The following FMN2 variants were observed in gnomAD, a reference collection of about 807,000 sequenced individuals.
The protein encoded by FMN2 is formin 2, also known as formin-2.
A neutral mutation model predicts 142.3 loss-of-function variants in FMN2; 51 were observed. The observed-to-expected ratio is 0.36, with a 90% CI of 0.29 to 0.45. The LOEUF (loss-of-function observed/expected upper bound fraction) is 0.45, where lower values mean the gene tolerates loss of function less well. Ranked by LOEUF, FMN2 falls within the 20% of genes least tolerant of loss-of-function variation. The pLI is 1.00. For missense variants in FMN2, 1,936 were observed against 2,122.8 expected (o/e 0.91, Z 1.73); for synonymous variants, 882 against 869.8 (o/e 1.01, Z -0.25).
At position 240,155,859 on chromosome 1, in the gene FMN2, AC is replaced by A. The variant is rs566055110; in HGVS notation, c.1783-22061del. Among the ~76,000 whole-genome samples the A allele has an allele frequency of 2.7e-3, 412 of 151,260 alleles. 2 individuals carry two copies. Among genetic ancestry groups the A allele is most frequent in the Middle Eastern group, 0.01 (3 of 292 alleles). On this transcript the variant is annotated intron_variant, in intron 2 of 17. Transcript: ENST00000319653. ...CTTTAGCTATATCATTAAAAAAAAA[AC>A]TGACCATCTGGACTGGCACTTCAAA...
intron 13 of FMN2, among the ~76,000 whole-genome samples, chr1:240,354,548 C>A (rs955712474): frequency 6.6e-6 from 1 of 152,152 alleles, no homozygotes; most frequent in East Asian, 1.9e-4. Flanking sequence ...CTGCAAGAGG[C>A]TACCTGGGCA....
chr1:240,328,603 ATTTG>A (rs5782137), intron 8 of FMN2, among the ~76,000 whole-genome samples: 15,796 of 80,062 alleles, frequency 0.2, 949 homozygotes, highest in South Asian at 0.26. Context: ...TTATTTATTT[ATTTG>A]AGACAAGAGT....
chr1:240,185,027 T>C (rs867437412), intron 3 of FMN2, among the ~76,000 whole-genome samples: 100 of 144,836 alleles, frequency 6.9e-4, no homozygotes, highest in African/African-American at 2.6e-3. Flanking sequence ...CTCCCTCCTA[T>C]ACCTTCCCCC....
chr1:240,330,860 T>G, intron 11 of FMN2, 111 bp downstream of exon 11: 1 of 1,288,490 alleles, frequency 7.8e-7, no homozygotes, highest in Non-Finnish European at 1.0e-6. Flanking sequence ...CTAGGTCAAA[T>G]GCTTCTTTAT....
At position 240,294,067 on chromosome 1, in the gene FMN2, A is replaced by C. The variant is rs182592939; in HGVS notation, c.4154-755A>C. 2.6e-3 allele frequency among the ~76,000 whole-genome samples: 391 copies of C among 152,272 alleles called. 1 individual carries two copies. The highest frequency in any genetic ancestry group is 4.8e-3 in the Non-Finnish European group (325 of 68,020). On this transcript the variant is annotated intron_variant, in intron 7 of 17. Transcript: ENST00000319653. Reference sequence around the variant, plus strand: ...ACTTGGCACAAATTCTATCAAGGCAAATTCACCTTGTTTCTACCAAATATC... The same window carrying C: ...ACTTGGCACAAATTCTATCAAGGCACATTCACCTTGTTTCTACCAAATATC...
At chr1:240,318,658 G>A (rs1670870178) in intron 8 of FMN2, among the ~76,000 whole-genome samples, 2 of 152,114 alleles carry the variant, frequency 1.3e-5, no homozygotes, top group South Asian at 2.1e-4. Flanking sequence ...TTTTGAATAG[G>A]ATATACATGC....
intron 14 of FMN2, among the ~76,000 whole-genome samples, chr1:240,380,205 A>G (rs1390751023): frequency 6.6e-6 from 1 of 152,154 alleles, no homozygotes; most frequent in Non-Finnish European, 1.5e-5. Flanking sequence ...TCCATGAAAC[A>G]TTTTCCAAAA....
At chr1:240,147,904 A>AT (rs1347709861) in intron 2 of FMN2, among the ~76,000 whole-genome samples, 2 of 152,292 alleles carry the variant, frequency 1.3e-5, no homozygotes, top group East Asian at 3.9e-4. Context: ...GGGAATATGA[A>AT]TTTTTGATAA....
At chr1:240,237,857 T>C (rs1003600803) in intron 6 of FMN2, among the ~76,000 whole-genome samples, 21 of 152,222 alleles carry the variant, frequency 1.4e-4, no homozygotes, top group Admixed American at 2.0e-4. Context: ...GCCTACTTGC[T>C]GCCTTAAATT....
chr1:240,361,181 ATAT>A (rs1672468105), intron 14 of FMN2, among the ~76,000 whole-genome samples: 4 of 107,226 alleles, frequency 3.7e-5, no homozygotes, highest in East Asian at 2.3e-4. Context: ...ATATATATAT[ATAT>A]AAAAGAGTTT....
At chr1:240,108,005 C>T (rs1661678011) in intron 1 of FMN2, among the ~76,000 whole-genome samples, 2 of 152,280 alleles carry the variant, frequency 1.3e-5, no homozygotes, top group African/African-American at 2.4e-5. Flanking sequence ...ATTATGAAGA[C>T]ACATTGTAGG....
intron 6 of FMN2, among the ~76,000 whole-genome samples, chr1:240,246,072 CGG>C (rs1668073512): frequency 1.3e-5 from 2 of 152,170 alleles, no homozygotes; most frequent in South Asian, 4.1e-4. Context: ...CCCAGCTACT[CGG>C]GAGACTGAGG....
At position 240,356,909 on chromosome 1, in the gene FMN2, CAG is replaced by C. The variant is rs137954292; in HGVS notation, c.4858+1003_4858+1004del. ...TTTAAGATAATTGTGAAGATTGAAA[CAG>C]AACTCTGGTGAAATTCATAAATCAC... On this transcript the variant is annotated intron_variant, in intron 14 of 17. Transcript: ENST00000319653. 9.1e-3 allele frequency among the ~76,000 whole-genome samples: 1,380 copies of C among 152,256 alleles called. 25 individuals are homozygous for C. The highest frequency in any genetic ancestry group is 0.031 in the African/African-American group (1,278 of 41,548).
intron 7 of FMN2, among the ~76,000 whole-genome samples, chr1:240,290,461 C>A (rs1403236626): frequency 6.6e-6 from 1 of 152,150 alleles, no homozygotes; most frequent in Non-Finnish European, 1.5e-5. Flanking sequence ...TAGTTTTAAT[C>A]TAATTTCTGA....
intron 4 of FMN2, among the ~76,000 whole-genome samples, chr1:240,195,274 GCTTT>G (rs1209643861): frequency 1.3e-5 from 2 of 152,194 alleles, no homozygotes; most frequent in East Asian, 1.9e-4. Flanking sequence ...GTGAAGCTCT[GCTTT>G]CTTCTTTCAG....
intron 8 of FMN2, among the ~76,000 whole-genome samples, chr1:240,321,371 T>A (rs1222425160): frequency 6.6e-6 from 1 of 152,134 alleles, no homozygotes; most frequent in Non-Finnish European, 1.5e-5. Flanking sequence ...AGCTTGAAAG[T>A]TTCACCTATA....
intron 16 of FMN2, 171 bp from the exon 17 acceptor site, chr1:240,472,201 G>A: frequency 1.8e-6 from 1 of 568,596 alleles, no homozygotes. Context: ...GTCTGTAGCT[G>A]TAACAGTTGA....
intron 7 of FMN2, among the ~76,000 whole-genome samples, chr1:240,291,835 A>G (rs1669804071): frequency 6.6e-6 from 1 of 152,162 alleles, no homozygotes; most frequent in Non-Finnish European, 1.5e-5. Context: ...GGCTCACTTG[A>G]GCAGGAAGGA....
intron 15 of FMN2, among the ~76,000 whole-genome samples, chr1:240,417,672 A>G (rs771347787): frequency 2.7e-5 from 4 of 150,084 alleles, no homozygotes; most frequent in Non-Finnish European, 6.0e-5. Context: ...TATGGGAGCA[A>G]CTCCTCTATT....
Sources: gnomAD v4.1 joint callset for allele counts (sites outside exome capture counted in the v4.1 genomes callset) on GRCh38, gnomAD v4.1.1 for gene constraint, MANE v1.5 for transcripts, NCBI Gene and HGNC (gene_info 2026-07-23, HGNC 2026-07-21) for gene names.